Variants in KCNC2 observed in about 807,000 individuals in gnomAD.
KCNC2 encodes voltage-gated potassium channel KCNC2.
KCNC2 carries 21 observed loss-of-function variants against 44.5 expected under a neutral mutation model. The ratio of observed to expected loss-of-function variants is 0.47; its 90% CI spans 0.33 to 0.68. The LOEUF is 0.68. Among genes scored for constraint, KCNC2 ranks in the 30% least tolerant of loss-of-function variants. The probability of loss-of-function intolerance (pLI) is 0.01; values close to 1 mark genes in which losing one functional copy is unlikely to be tolerated. For missense variants in KCNC2, 589 were observed against 826.2 expected, an observed-to-expected ratio of 0.71 and a Z score of 3.52; for synonymous variants, 391 against 339.1, an observed-to-expected ratio of 1.15 and a Z score of -1.68.
At chr12:75,117,763 T>C (rs943187643) in intron 2 of KCNC2, among the ~76,000 whole-genome samples, 1 of 152,138 alleles carries the variant, frequency 6.6e-6, no homozygotes, top group African/African-American at 2.4e-5. Context: ...TATAATGGCA[T>C]GTAAATATGG....
At chr12:75,048,466 CTT>C (rs1249772313) in intron 3 of KCNC2, 149 bp from the exon 4 acceptor site, 1 of 533,470 alleles carries the variant, frequency 1.9e-6, no homozygotes, top group African/African-American at 2.0e-5. Flanking sequence ...TTTTATCACT[CTT>C]CACGAAAAAT....
rs1422332408 is a variant in KCNC2, at chr12:75,207,115, G to A, written c.687+182C>T. The stretch of plus-strand genomic sequence containing the variant: ...AGGAGGAGAAAGATGGGACTGGGTA[G>A]GGATGGTGGCCGGGGTCCCTGGGTT... On this transcript the variant is annotated intron_variant, in intron 2 of 4. Coordinates refer to ENST00000549446, the MANE Select transcript of KCNC2 (RefSeq NM_139137.4). The surrounding 1 kb of genome is among the most constrained non-coding windows in gnomAD (Gnocchi z 4.1). 6.6e-6 allele frequency among the ~76,000 whole-genome samples: 1 copy of A among 152,178 alleles called. No homozygotes were observed. The highest frequency in any genetic ancestry group is 1.5e-5 in the Non-Finnish European group (1 of 68,022).
intron 2 of KCNC2, among the ~76,000 whole-genome samples, chr12:75,060,187 A>G (rs1882164983): frequency 6.6e-6 from 1 of 152,100 alleles, no homozygotes; most frequent in Non-Finnish European, 1.5e-5. Flanking sequence ...TAGCAATGAA[A>G]CAACTTGGTA....
intron 2 of KCNC2, among the ~76,000 whole-genome samples, chr12:75,054,166 C>T (rs1196509712): frequency 1.3e-5 from 2 of 151,102 alleles, no homozygotes; most frequent in African/African-American, 4.9e-5. Flanking sequence ...GAAAAGGTTG[C>T]AGTGAGCCAA....
intron 2 of KCNC2, among the ~76,000 whole-genome samples, chr12:75,134,861 C>T (rs1218961008): frequency 6.6e-6 from 1 of 151,788 alleles, no homozygotes; most frequent in African/African-American, 2.4e-5. Context: ...AATTCTGATT[C>T]ATATTATGCT....
intron 2 of KCNC2, among the ~76,000 whole-genome samples, chr12:75,064,883 A>G (rs1167937814): frequency 1.3e-5 from 2 of 152,044 alleles, no homozygotes; most frequent in African/African-American, 2.4e-5. Flanking sequence ...TTACTTCAAG[A>G]AAAATCGTTT....
chr12:75,205,803 T>C (rs1264155659), intron 2 of KCNC2, among the ~76,000 whole-genome samples: 1 of 149,310 alleles, frequency 6.7e-6, no homozygotes, highest in Admixed American at 6.7e-5. Flanking sequence ...TTAATTTAAA[T>C]GAATATGCAC....
At chr12:75,111,736 C>T (rs971031514) in intron 2 of KCNC2, among the ~76,000 whole-genome samples, 1 of 151,988 alleles carries the variant, frequency 6.6e-6, no homozygotes, top group Non-Finnish European at 1.5e-5. Context: ...GCTATCTCCT[C>T]AAAATCGATA....
At chr12:75,046,373 T>C (rs1220237417) in intron 4 of KCNC2, among the ~76,000 whole-genome samples, 1 of 151,780 alleles carries the variant, frequency 6.6e-6, no homozygotes, top group Non-Finnish European at 1.5e-5. Flanking sequence ...CAAAGCTTTT[T>C]CTCATTCGTG....
chr12:75,207,348 C>T lies in KCNC2; in HGVS notation c.636G>A (p.Gln212=), dbSNP rs112697753. The T allele has an allele frequency of 1.5e-4, 244 of 1,575,872 alleles. No homozygotes were observed. In the African/African-American group the frequency reaches 3.0e-3, roughly 19 times the overall value. Residue 212 remains glutamine, a synonymous_variant, in exon 2 of 5, where the codon CAG becomes CAA. Transcript: ENST00000549446. The surrounding 1 kb of genome is among the most constrained non-coding windows in gnomAD (Gnocchi z 4.1). Reference sequence around the variant, plus strand: ...CTTCGAAGAGGGCCCACATGCGGGGCTGCAGCCTCCTCCAGCGGCCAGATT... The same window carrying T: ...CTTCGAAGAGGGCCCACATGCGGGGTTGCAGCCTCCTCCAGCGGCCAGATT... ...DGKSGRWRRL[Q]PRMWALFEDP...
At chr12:75,153,916 G>C (rs370801078) in intron 2 of KCNC2, among the ~76,000 whole-genome samples, 138 of 151,956 alleles carry the variant, frequency 9.1e-4, no homozygotes, top group African/African-American at 3.2e-3. Flanking sequence ...TTGTCTCAGG[G>C]ATGGCAGAGG....
intron 2 of KCNC2, among the ~76,000 whole-genome samples, chr12:75,152,709 A>C (rs1431169424): frequency 1.3e-5 from 2 of 152,030 alleles, no homozygotes; most frequent in Admixed American, 1.3e-4. Context: ...AGCTAGAATT[A>C]AAGTTCTCAG....
intron 2 of KCNC2, among the ~76,000 whole-genome samples, chr12:75,164,998 T>A (rs1891352255): frequency 6.6e-6 from 1 of 151,654 alleles, no homozygotes; most frequent in Admixed American, 6.6e-5. Context: ...ATGGCTGCTG[T>A]ACATACTTCA....
rs567398766 is a variant in KCNC2, at chr12:75,083,158, A to G, written c.688-31841T>C. Among the ~76,000 whole-genome samples, 7 of 151,674 alleles carry G rather than the reference A, an allele frequency of 4.6e-5. No individual in the cohort carries two copies. The South Asian group carries it at 1.4e-3, about 31-fold the overall frequency. The stretch of plus-strand genomic sequence containing the variant: ...AATAAATATTTAATATTTTGTTAAA[A>G]AAAGTACTTTAAAATACAAAAAATA... On this transcript the variant is annotated intron_variant, in intron 2 of 4. Transcript: ENST00000549446.
At chr12:75,094,592 C>T (rs1426681017) in intron 2 of KCNC2, among the ~76,000 whole-genome samples, 1 of 151,682 alleles carries the variant, frequency 6.6e-6, no homozygotes, top group African/African-American at 2.4e-5. Flanking sequence ...CCCTCTGCCA[C>T]CCAGTGAAAT....
chr12:75,208,398 T>A (rs1462628631), intron 1 of KCNC2, among the ~76,000 whole-genome samples: 1 of 135,756 alleles, frequency 7.4e-6, no homozygotes, highest in Admixed American at 7.7e-5. Context: ...ACACTCTCTC[T>A]CCCTCTAAAC....
chr12:75,078,693 G>C (rs1212015934), intron 2 of KCNC2, among the ~76,000 whole-genome samples: 1 of 152,154 alleles, frequency 6.6e-6, no homozygotes, highest in Non-Finnish European at 1.5e-5. Context: ...TAGATAATAG[G>C]TGGTAGAACT....
intron 2 of KCNC2, among the ~76,000 whole-genome samples, chr12:75,161,429 T>A (rs2137527013): frequency 6.6e-6 from 1 of 151,864 alleles, no homozygotes. Context: ...TGTCAAATGT[T>A]GCACTCTGAT....
chr12:75,082,942 T>C (rs1009601433), intron 2 of KCNC2, among the ~76,000 whole-genome samples: 18 of 151,646 alleles, frequency 1.2e-4, no homozygotes, highest in African/African-American at 3.4e-4. Flanking sequence ...ATCCCTATAC[T>C]GGTAAACTTG....
Sources: gnomAD v4.1 joint callset for allele counts (sites outside exome capture counted in the v4.1 genomes callset) on GRCh38, gnomAD v4.1.1 for gene constraint, Gnocchi (gnomAD v3.1) non-coding constraint, MANE v1.5 for transcripts, NCBI Gene and HGNC (gene_info 2026-07-23, HGNC 2026-07-21) for gene names.